Variants in DNAH12 observed in about 807,000 individuals in gnomAD.
DNAH12 encodes dynein axonemal heavy chain 12.
Under a neutral mutation model 371.5 loss-of-function variants are expected in DNAH12, and 285 were observed. The observed-to-expected ratio is 0.77, with a 90% confidence interval of 0.70 to 0.85. The LOEUF (loss-of-function observed/expected upper bound fraction) is 0.85, where lower values mean the gene tolerates loss of function less well. DNAH12 is among the 40% of genes least tolerant of loss of function. The probability of loss-of-function intolerance (pLI) is 0.00; values close to 1 mark genes in which losing one functional copy is unlikely to be tolerated. For missense variants in DNAH12, 3,611 were observed against 3,689.4 expected, an observed-to-expected ratio of 0.98 and a Z score of 0.55; for synonymous variants, 1,200 against 1,213.0, an observed-to-expected ratio of 0.99 and a Z score of 0.22.
intron 43 of DNAH12, chr3:57,402,507 C>A (rs1392543567): frequency 9.0e-7 from 1 of 1,113,630 alleles, no homozygotes; most frequent in South Asian, 1.3e-5. Context: ...GTTAAATCTG[C>A]TAGAAACCAT....
intron 66 of DNAH12, among the ~76,000 whole-genome samples, chr3:57,312,126 C>T (rs1409616924): frequency 1.3e-5 from 2 of 152,064 alleles, no homozygotes; most frequent in Admixed American, 1.3e-4. Context: ...TAATTATGCA[C>T]AGTTGAGAAA....
chr3:57,356,554 G>A (rs1445825512), intron 59 of DNAH12, among the ~76,000 whole-genome samples: 1 of 151,742 alleles, frequency 6.6e-6, no homozygotes, highest in Non-Finnish European at 1.5e-5. Context: ...AGAAAGATGC[G>A]CTAGAGTTGC....
chr3:57,400,083 G>GT (rs2063825750), intron 43 of DNAH12, among the ~76,000 whole-genome samples: 3 of 152,186 alleles, frequency 2.0e-5, no homozygotes, highest in Admixed American at 6.5e-5. Context: ...GAGCTTAGGG[G>GT]TTCAAGACCA....
chr3:57,467,253 G>A (rs2066230634), intron 17 of DNAH12, among the ~76,000 whole-genome samples: 1 of 152,000 alleles, frequency 6.6e-6, no homozygotes, highest in Admixed American at 6.6e-5. Flanking sequence ...CAAGTAGCTG[G>A]GATTACAGGT....
intron 2 of DNAH12, among the ~76,000 whole-genome samples, chr3:57,528,851 G>A (rs2068741172): frequency 6.6e-6 from 1 of 151,582 alleles, no homozygotes; most frequent in Non-Finnish European, 1.5e-5. Context: ...CCAGGCTGGA[G>A]TGCAGTGGCA....
chr3:57,469,075 G>GAA (rs1246662945), intron 16 of DNAH12, 96 bp from the exon 17 acceptor site: 1 of 1,186,634 alleles, frequency 8.4e-7, no homozygotes, highest in Non-Finnish European at 1.1e-6. Context: ...TTTTAAGAGA[G>GAA]AAAAATGAGG....
Position 57,310,931 on chromosome 3 carries a change from T to C in DNAH12, c.10682A>G (p.Asp3561Gly). The change falls in exon 67 of 74, where the codon GAT (aspartate) becomes GGT (glycine). Residue 3561 changes from aspartate to glycine, a missense_variant. By Grantham distance (94) the Asp-to-Gly change is moderately conservative (BLOSUM62 -1). Transcript: ENST00000495027. ...RQLQLFINEY[D>G]TIPFEAISYL... is the part of the protein sequence containing the mutation. Reference sequence around the variant, plus strand: ...AGATATAGCTTCAAATGGAATTGTATCATATTCATTGATAAATAACTGAAG... The same window carrying C: ...AGATATAGCTTCAAATGGAATTGTACCATATTCATTGATAAATAACTGAAG... 1 of 1,549,224 alleles carries C rather than the reference T, an allele frequency of 6.5e-7. No homozygotes were observed. The highest frequency in any genetic ancestry group is 8.7e-7 in the Non-Finnish European group (1 of 1,145,450).
At chr3:57,502,243 C>G in intron 10 of DNAH12, 80 bp downstream of exon 10, 2 of 1,558,522 alleles carry the variant, frequency 1.3e-6, no homozygotes, top group Non-Finnish European at 8.8e-7. Context: ...ATGGCAGCCC[C>G]AGACAAACAA....
chr3:57,400,272 C>T lies in DNAH12; in HGVS notation c.6948+3037G>A, dbSNP rs1271093883. ...CACTGCACTCCAGCCTGGGGCAGAG[C>T]GAGACTCTATCTAAAAAAAAAAATT... On this transcript the variant is annotated intron_variant, in intron 43 of 73. Transcript: ENST00000495027. Among the ~76,000 whole-genome samples, 4 of 151,918 alleles carry T rather than the reference C, an allele frequency of 2.6e-5. No individual in the cohort carries two copies. The South Asian group carries it at 6.2e-4, about 24-fold the overall frequency.
rs535378297 is a variant in DNAH12 at position 57,405,843 on chromosome 3, C to G, written c.6386G>C (p.Arg2129Thr). 5.1e-4 allele frequency: 797 copies of G among 1,551,704 alleles called. 2 individuals are homozygous for G. Among genetic ancestry groups the G allele is most frequent in the Middle Eastern group, 4.2e-3 (25 of 5,992 alleles). Residue 2129 changes from arginine to threonine, a missense_variant, in exon 41 of 74, where the codon AGA (arginine) becomes ACA (threonine). Physicochemically the swap from Arg to Thr is moderately conservative, Grantham distance 71. Around this residue, in one of 3 missense-constraint regions of DNAH12, gnomAD observed 2,266 missense variants for 2,236.9 expected, o/e 1.01. Coordinates refer to ENST00000495027, the MANE Select transcript of DNAH12 (RefSeq NM_001366028.2). ...AGTGTGTTTGTTCGCCACGGCGTCT[C>G]TTTCAATGAGTAAACAGCCCCGGAT... ...RVIRGCLLIE[R>T]DAVANKHTMI...
chr3:57,503,351 CAAAT>C (rs1238158078), intron 9 of DNAH12, among the ~76,000 whole-genome samples: 17 of 151,088 alleles, frequency 1.1e-4, no homozygotes, highest in African/African-American at 3.2e-4. Flanking sequence ...TATTTACTGA[CAAAT>C]AAATATTTGT....
At chr3:57,458,696 G>A (rs2065970195) in intron 20 of DNAH12, among the ~76,000 whole-genome samples, 1 of 152,114 alleles carries the variant, frequency 6.6e-6, no homozygotes, top group African/African-American at 2.4e-5. Flanking sequence ...AATATTTTGT[G>A]ACATATGAAA....
chr3:57,528,114 C>T (rs372483913), intron 2 of DNAH12, among the ~76,000 whole-genome samples: 11 of 151,942 alleles, frequency 7.2e-5, no homozygotes, highest in African/African-American at 1.7e-4. Flanking sequence ...CCGCAACCTC[C>T]GCCTCCTGGG....
Position 57,334,458 on chromosome 3 carries a change from C to A in DNAH12, c.9978+7G>T. ...TGGGTTCCAAATAGAACACATTGGT[C>A]TTTTACCTTATCAGGTCTTAAACAC... On this transcript the variant is annotated splice_region_variant and intron_variant, in intron 62 of 73. Transcript: ENST00000495027. 1 of 1,544,470 alleles carries A rather than the reference C, an allele frequency of 6.5e-7. No individual in the cohort carries two copies. Among genetic ancestry groups the A allele is most frequent in the South Asian group, 1.2e-5 (1 of 82,042 alleles).
At chr3:57,508,262 T>A (rs13072470) in intron 7 of DNAH12, 120 bp downstream of exon 7, 482,424 of 1,001,684 alleles carry the variant, frequency 0.48, 120,962 homozygotes, top group Middle Eastern at 0.59. Context: ...TACATTTTTT[T>A]AAACTCTAAA....
intron 58 of DNAH12, among the ~76,000 whole-genome samples, chr3:57,361,432 T>TACACAC (rs1162520302): frequency 7.9e-5 from 10 of 126,360 alleles, no homozygotes; most frequent in African/African-American, 3.5e-4. Flanking sequence ...TATATATATA[T>TACACAC]ACACACACAC....
At chr3:57,308,148 G>T (rs988356736) in intron 69 of DNAH12, among the ~76,000 whole-genome samples, 12 of 152,102 alleles carry the variant, frequency 7.9e-5, no homozygotes, top group Admixed American at 7.9e-4. Context: ...ATACCTCTTG[G>T]TCTGGGTAGA....
upstream of DNAH12, among the ~76,000 whole-genome samples, chr3:57,545,949 T>A (rs1479676157): frequency 1.3e-5 from 2 of 152,304 alleles, no homozygotes; most frequent in South Asian, 4.1e-4. Context: ...TCCAGTAGGT[T>A]CCAGTGGGCA....
intron 20 of DNAH12, among the ~76,000 whole-genome samples, 162 bp downstream of exon 20, chr3:57,459,430 A>G (rs953757482): frequency 6.6e-6 from 1 of 152,196 alleles, no homozygotes; most frequent in East Asian, 1.9e-4. Flanking sequence ...TGAAAAGTAA[A>G]CTTATTTTAA....
Sources: gnomAD v4.1 joint callset for allele counts (sites outside exome capture counted in the v4.1 genomes callset) on GRCh38, gnomAD v4.1.1 for gene constraint, gnomAD v4.1.1 regional missense constraint, MANE v1.5 for transcripts, NCBI Gene and HGNC (gene_info 2026-07-23, HGNC 2026-07-21) for gene names.